DLEU7: variants seen among roughly 807,000 people sequenced by gnomAD.
DLEU7 encodes deleted in lymphocytic leukemia 7.
A neutral mutation model predicts 16.0 loss-of-function variants in DLEU7; 17 were observed. That is an observed-to-expected ratio of 1.06 (90% CI 0.73 to 1.59). DLEU7 has a LOEUF of 1.59. Among genes scored for constraint, DLEU7 ranks in the 40% most tolerant of loss-of-function variants. The probability of loss-of-function intolerance (pLI) is 0.00; values close to 1 mark genes in which losing one functional copy is unlikely to be tolerated. For missense variants in DLEU7, 308 were observed against 314.9 expected (o/e 0.98, Z 0.17); for synonymous variants, 113 against 139.8 (o/e 0.81, Z 1.35).
intron 1 of DLEU7, among the ~76,000 whole-genome samples, chr13:50,745,745 T>C (rs533693370): frequency 1.5e-4 from 23 of 152,138 alleles, no homozygotes; most frequent in Non-Finnish European, 3.1e-4. Flanking sequence ...CTTTTTTCGA[T>C]CCTCTTTGGG....
intron 1 of DLEU7, among the ~76,000 whole-genome samples, chr13:50,730,593 T>C (rs1014143578): frequency 1.3e-5 from 2 of 152,132 alleles, no homozygotes; most frequent in Non-Finnish European, 2.9e-5. Flanking sequence ...TCCTTGAACA[T>C]AGAAGTAAAA....
intron 1 of DLEU7, among the ~76,000 whole-genome samples, chr13:50,797,126 G>A (rs1876128836): frequency 6.6e-6 from 1 of 152,202 alleles, no homozygotes; most frequent in South Asian, 2.1e-4. Flanking sequence ...ATTGGATGGA[G>A]TTGGTTGTTC....
chr13:50,811,203 C>G (rs1876553435), intron 1 of DLEU7, among the ~76,000 whole-genome samples: 1 of 152,102 alleles, frequency 6.6e-6, no homozygotes, highest in African/African-American at 2.4e-5. Flanking sequence ...ACTTTTGGTC[C>G]TTTTTAGAAA....
At chr13:50,722,895 C>A (rs1434106896) in intron 1 of DLEU7, among the ~76,000 whole-genome samples, 1 of 152,152 alleles carries the variant, frequency 6.6e-6, no homozygotes, top group African/African-American at 2.4e-5. Flanking sequence ...TATAGTACAA[C>A]CTGGCAACCA....
intron 1 of DLEU7, among the ~76,000 whole-genome samples, chr13:50,801,816 G>A (rs926727743): frequency 6.6e-6 from 1 of 152,042 alleles, no homozygotes; most frequent in South Asian, 2.1e-4. Context: ...CTGTTTCCAT[G>A]GTAGTGTTAT....
rs2464656 is a variant in DLEU7 at position 50,727,351 on chromosome 13, T to C, written c.460-14111A>G. Among the ~76,000 whole-genome samples the C allele has an allele frequency of 3.6e-3, 543 of 152,210 alleles. 1 individual carries two copies. The highest frequency in any genetic ancestry group is 0.013 in the African/African-American group (519 of 41,514). ...TTTTTTTCTCTGTTTTTAGTAAGCA[T>C]GTGTGCATGCATTTAGTGGGTGAGG... On this transcript the variant is annotated intron_variant, in intron 1 of 1. Coordinates refer to the DLEU7 transcript ENST00000400393.
At chr13:50,840,594 T>C (rs940967927) in intron 1 of DLEU7, among the ~76,000 whole-genome samples, 1 of 152,164 alleles carries the variant, frequency 6.6e-6, no homozygotes, top group African/African-American at 2.4e-5. Context: ...ATCTAAATGT[T>C]TTCAAAGTTT....
At chr13:50,816,257 AAGAAAATGGAT>A (rs1876731630) in intron 1 of DLEU7, among the ~76,000 whole-genome samples, 1 of 152,176 alleles carries the variant, frequency 6.6e-6, no homozygotes, top group African/African-American at 2.4e-5. Flanking sequence ...GCTGCAAGGC[AAGAAAATGGAT>A]AGAATAGCTT....
intron 1 of DLEU7, among the ~76,000 whole-genome samples, chr13:50,836,063 T>G (rs1025745817): frequency 1.3e-5 from 2 of 152,214 alleles, no homozygotes; most frequent in African/African-American, 4.8e-5. Context: ...TCTCCTACCA[T>G]GTCACCTTCA....
At chr13:50,839,958 A>C (rs368210818) in intron 1 of DLEU7, 11 of 152,370 alleles carry the variant, frequency 7.2e-5, no homozygotes, top group African/African-American at 2.6e-4. Context: ...GGCCAATGAC[A>C]GGAAGTGGAA....
chr13:50,792,840 G>T (rs1876001075), intron 1 of DLEU7, among the ~76,000 whole-genome samples: 2 of 147,664 alleles, frequency 1.4e-5, no homozygotes, highest in South Asian at 2.2e-4. Flanking sequence ...TGGTTTTTGG[G>T]TTTTCTTGCA....
chr13:50,809,272 C>A (rs567923473), intron 1 of DLEU7, among the ~76,000 whole-genome samples: 1 of 152,150 alleles, frequency 6.6e-6, no homozygotes, highest in Non-Finnish European at 1.5e-5. Context: ...ACGTTTCACT[C>A]AATCTATTCC....
chr13:50,747,773 T>A (rs1029095196), intron 1 of DLEU7, among the ~76,000 whole-genome samples: 1 of 152,146 alleles, frequency 6.6e-6, no homozygotes, highest in Non-Finnish European at 1.5e-5. Context: ...GAGACATTGT[T>A]TGATGGAAGT....
At chr13:50,728,480 C>T (rs996808259) in intron 1 of DLEU7, among the ~76,000 whole-genome samples, 8 of 152,020 alleles carry the variant, frequency 5.3e-5, no homozygotes, top group Non-Finnish European at 1.0e-4. Flanking sequence ...AATAAGTGAA[C>T]GTACATTATA....
At chr13:50,779,675 G>A (rs1019449763) in intron 1 of DLEU7, among the ~76,000 whole-genome samples, 4 of 152,114 alleles carry the variant, frequency 2.6e-5, no homozygotes, top group Non-Finnish European at 2.9e-5. Context: ...CAGGTCTCAC[G>A]GATTGGTCCT....
At chr13:50,786,586 C>T (rs1875800193) in intron 1 of DLEU7, among the ~76,000 whole-genome samples, 1 of 152,190 alleles carries the variant, frequency 6.6e-6, no homozygotes, top group Non-Finnish European at 1.5e-5. Context: ...TGGGTAAATA[C>T]AGGACTTCCC....
chr13:50,842,554 C>T (rs1426013390), intron 1 of DLEU7, among the ~76,000 whole-genome samples: 1 of 152,166 alleles, frequency 6.6e-6, no homozygotes, highest in African/African-American at 2.4e-5. Flanking sequence ...ATGTGCCCTA[C>T]CTATATGAGC....
At chr13:50,747,473 C>T (rs769235261) in intron 1 of DLEU7, among the ~76,000 whole-genome samples, 4 of 151,752 alleles carry the variant, frequency 2.6e-5, no homozygotes, top group South Asian at 2.1e-4. Context: ...TTTAGGATCA[C>T]GAAATTTGGA....
intron 1 of DLEU7, among the ~76,000 whole-genome samples, chr13:50,723,505 G>T (rs1873677611): frequency 1.3e-5 from 2 of 151,870 alleles, no homozygotes; most frequent in Non-Finnish European, 2.9e-5. Flanking sequence ...TTAAACAACA[G>T]AAATTTGTTT....
Sources: gnomAD v4.1 joint callset for allele counts (sites outside exome capture counted in the v4.1 genomes callset) on GRCh38, gnomAD v4.1.1 for gene constraint, MANE v1.5 for transcripts, NCBI Gene and HGNC (gene_info 2026-07-23, HGNC 2026-07-21) for gene names.